The following MCU variants were observed in gnomAD, a reference collection of about 807,000 sequenced individuals.
MCU encodes the protein mitochondrial calcium uniporter, also known as calcium uniporter protein, mitochondrial.
MCU carries 12 observed loss-of-function variants against 45.2 expected under a neutral mutation model. The observed-to-expected ratio is 0.27, with a 90% confidence interval of 0.17 to 0.43. The LOEUF is 0.43. MCU is among the 20% of genes least tolerant of loss of function. The pLI is 1.00. For synonymous variants in MCU, 160 were observed against 165.1 expected, an observed-to-expected ratio of 0.97 and a Z score of 0.24; for missense variants, 324 against 436.7, an observed-to-expected ratio of 0.74 and a Z score of 2.30.
intron 2 of MCU, among the ~76,000 whole-genome samples, chr10:72,836,048 T>A (rs111977311): frequency 9.6e-4 from 146 of 152,230 alleles, no homozygotes; most frequent in African/African-American, 3.5e-3. Context: ...TGTCCACATC[T>A]GTGCCAGCAC....
chr10:72,856,490 T>G (rs553818780), intron 2 of MCU, among the ~76,000 whole-genome samples: 5 of 152,166 alleles, frequency 3.3e-5, no homozygotes, highest in African/African-American at 1.2e-4. Context: ...TGTAAATGTC[T>G]ACAACTACAA....
At chr10:72,760,621 C>T (rs1018961267) in intron 1 of MCU, 2 of 152,092 alleles carry the variant, frequency 1.3e-5, no homozygotes, top group African/African-American at 4.8e-5. Context: ...CCTCAAACTC[C>T]TGGGCTCAAG....
At chr10:72,740,154 G>A (rs1206211542) in intron 1 of MCU, among the ~76,000 whole-genome samples, 1 of 151,796 alleles carries the variant, frequency 6.6e-6, no homozygotes, top group Non-Finnish European at 1.5e-5. Flanking sequence ...GGCTGCGGTG[G>A]GCGGATCACA....
At chr10:72,715,757 T>G (rs2132666231) in intron 1 of MCU, 1 of 421,448 alleles carries the variant, frequency 2.4e-6, no homozygotes, top group Admixed American at 6.4e-5. Flanking sequence ...ATCTTACTTT[T>G]GCAGGTCATC....
At chr10:72,820,006 G>A (rs2132814173) in intron 1 of MCU, among the ~76,000 whole-genome samples, 1 of 152,214 alleles carries the variant, frequency 6.6e-6, no homozygotes, top group African/African-American at 2.4e-5. Context: ...AGGGGAAAGT[G>A]TGTACTTTTT....
At chr10:72,768,509 G>T (rs983841413) in intron 1 of MCU, among the ~76,000 whole-genome samples, 2 of 152,170 alleles carry the variant, frequency 1.3e-5, no homozygotes, top group Non-Finnish European at 2.9e-5. Flanking sequence ...GTAATATTGT[G>T]TATCTATACA....
At chr10:72,709,896 G>A (rs1473480313) in intron 1 of MCU, among the ~76,000 whole-genome samples, 1 of 152,140 alleles carries the variant, frequency 6.6e-6, no homozygotes, top group Non-Finnish European at 1.5e-5. Flanking sequence ...CTGCATTGGT[G>A]TTCGATTCAG....
intron 4 of MCU, 131 bp from the exon 5 acceptor site, chr10:72,868,572 G>T (rs1845493476): frequency 2.8e-6 from 2 of 704,816 alleles, no homozygotes; most frequent in Non-Finnish European, 4.5e-6. Flanking sequence ...AAAAAAGAGA[G>T]CTATTACTTT....
intron 1 of MCU, among the ~76,000 whole-genome samples, chr10:72,776,405 A>G (rs926276505): frequency 6.6e-6 from 1 of 152,202 alleles, no homozygotes; most frequent in African/African-American, 2.4e-5. Flanking sequence ...GATATAAGAG[A>G]ATGATTCAAC....
intron 1 of MCU, among the ~76,000 whole-genome samples, chr10:72,733,047 TG>T (rs1448250460): frequency 2.6e-5 from 4 of 152,258 alleles, no homozygotes; most frequent in African/African-American, 7.2e-5. Flanking sequence ...GCACAGGTTT[TG>T]GTGCCAGACT....
At chr10:72,854,704 G>A (rs1845260685) in intron 2 of MCU, among the ~76,000 whole-genome samples, 1 of 152,170 alleles carries the variant, frequency 6.6e-6, no homozygotes, top group Non-Finnish European at 1.5e-5. Context: ...CCAGTCTGTG[G>A]CCTGGGGGTT....
In MCU at chr10:72,729,024, T is replaced by C. The variant is rs139031835; in HGVS notation, c.150+36723T>C. ...CCTTGAAAAGAATTGCTTCTTAACCTTGGTATCCAGGAACAGTGTATTATG... is the reference window on the plus strand; with the variant it reads ...CCTTGAAAAGAATTGCTTCTTAACCCTGGTATCCAGGAACAGTGTATTATG... On this transcript the variant is annotated intron_variant, in intron 1 of 7. Coordinates refer to ENST00000373053, the MANE Select transcript of MCU (RefSeq NM_138357.3). Among the ~76,000 whole-genome samples the C allele has an allele frequency of 3.3e-3, 508 of 152,324 alleles. 5 individuals carry two copies. The highest frequency in any genetic ancestry group is 0.012 in the African/African-American group (495 of 41,576).
chr10:72,752,402 T>C (rs1843515337), intron 1 of MCU, among the ~76,000 whole-genome samples: 1 of 152,168 alleles, frequency 6.6e-6, no homozygotes, highest in African/African-American at 2.4e-5. Context: ...ACCCTCCAAA[T>C]GTTTTTTTGA....
chr10:72,860,617 C>G, intron 4 of MCU, 90 bp downstream of exon 4: 1 of 976,502 alleles, frequency 1.0e-6, no homozygotes, highest in Non-Finnish European at 1.6e-6. Flanking sequence ...CCTTGAGAAA[C>G]AGACAGTATT....
chr10:72,886,532 G>A lies in MCU; in HGVS notation c.*710G>A, dbSNP rs1845777787. 6.7e-6 allele frequency: 1 copy of A among 150,338 alleles called. No individual in the cohort carries two copies. The highest frequency in any genetic ancestry group is 1.5e-5 in the Non-Finnish European group (1 of 68,020). 9.3% of individuals were successfully genotyped at this position (150,338 alleles called of 1,614,324 possible). A position where few individuals can be genotyped will look rare whatever the true frequency, so the allele number is the denominator to read the frequency against. On this transcript the variant is annotated 3_prime_UTR_variant, in exon 8 of 8. Transcript: ENST00000373053. ...CTGGCAACACTGCATGAGGTTGTTG[G>A]TTTTGTTTTGTTTTATTAATTAGTC...
intron 1 of MCU, among the ~76,000 whole-genome samples, chr10:72,714,727 A>G (rs545421862): frequency 6.6e-6 from 1 of 152,068 alleles, no homozygotes; most frequent in Non-Finnish European, 1.5e-5. Flanking sequence ...TATTTTTAGT[A>G]GAGACGGGGT....
At chr10:72,835,555 TATA>T (rs1844944520) in intron 2 of MCU, among the ~76,000 whole-genome samples, 2 of 152,186 alleles carry the variant, frequency 1.3e-5, no homozygotes, top group Non-Finnish European at 2.9e-5. Context: ...ATTTAGTCAG[TATA>T]ATATTTGCAG....
intron 1 of MCU, chr10:72,692,803 G>A: frequency 7.1e-7 from 1 of 1,414,498 alleles, no homozygotes; most frequent in Non-Finnish European, 9.2e-7. Context: ...GACCCCGGCG[G>A]GGCCGCCCCT....
intron 1 of MCU, among the ~76,000 whole-genome samples, chr10:72,716,949 G>A (rs980223584): frequency 1.3e-5 from 2 of 152,094 alleles, no homozygotes; most frequent in Admixed American, 6.6e-5. Flanking sequence ...TGGAAATTGA[G>A]GACCAGAGTT....
Sources: gnomAD v4.1 joint callset for allele counts (sites outside exome capture counted in the v4.1 genomes callset) on GRCh38, gnomAD v4.1.1 for gene constraint, MANE v1.5 for transcripts, NCBI Gene and HGNC (gene_info 2026-07-23, HGNC 2026-07-21) for gene names.